CNTN5: variants seen among roughly 807,000 people sequenced by gnomAD.
CNTN5 encodes contactin 5.
A neutral mutation model predicts 129.1 loss-of-function variants in CNTN5; 77 were observed. The ratio of observed to expected loss-of-function variants is 0.60; its 90% confidence interval spans 0.50 to 0.72. CNTN5 has a LOEUF of 0.72. Ranked by LOEUF, CNTN5 falls within the 30% of genes least tolerant of loss-of-function variation. The pLI is 0.00. For missense variants in CNTN5, 1,478 were observed against 1,328.8 expected, an observed-to-expected ratio of 1.11 and a Z score of -1.75; for synonymous variants, 509 against 465.6, an observed-to-expected ratio of 1.09 and a Z score of -1.20.
chr11:100,081,337 A>G (rs1400362957), intron 13 of CNTN5, among the ~76,000 whole-genome samples: 1 of 152,204 alleles, frequency 6.6e-6, no homozygotes, highest in Non-Finnish European at 1.5e-5. Flanking sequence ...TTAAGAATTT[A>G]TCAATGAGTT....
intron 2 of CNTN5, among the ~76,000 whole-genome samples, chr11:99,342,416 T>C (rs528588671): frequency 6.6e-6 from 1 of 151,294 alleles, no homozygotes; most frequent in East Asian, 1.9e-4. Context: ...TTTTATAAAA[T>C]TTGAAATGGT....
chr11:100,289,959 A>G (rs1476315186), intron 18 of CNTN5, among the ~76,000 whole-genome samples: 2 of 151,564 alleles, frequency 1.3e-5, no homozygotes, highest in Admixed American at 6.6e-5. Context: ...ATTCTTATAC[A>G]CCAACAACAG....
chr11:99,134,837 G>T (rs897239137), intron 1 of CNTN5, among the ~76,000 whole-genome samples: 8 of 152,160 alleles, frequency 5.3e-5, no homozygotes, highest in African/African-American at 1.9e-4. Flanking sequence ...AATGACATGT[G>T]AATGATTATG....
chr11:99,923,198 T>A (rs1026201549), intron 7 of CNTN5, among the ~76,000 whole-genome samples: 6 of 152,196 alleles, frequency 3.9e-5, no homozygotes, highest in African/African-American at 7.2e-5. Flanking sequence ...GAGATCAATA[T>A]TAATCTCTGT....
intron 6 of CNTN5, among the ~76,000 whole-genome samples, chr11:99,910,580 GT>G (rs1364465528): frequency 6.6e-6 from 1 of 151,990 alleles, no homozygotes; most frequent in East Asian, 1.9e-4. Flanking sequence ...TCCTGGTATA[GT>G]TTTTAAAACT....
intron 6 of CNTN5, among the ~76,000 whole-genome samples, chr11:99,856,863 T>C (rs1391384112): frequency 6.6e-6 from 1 of 152,190 alleles, no homozygotes; most frequent in African/African-American, 2.4e-5. Flanking sequence ...GTAAACTATA[T>C]ATATAGTCCT....
chr11:99,131,863 C>T (rs1002167423), intron 1 of CNTN5, among the ~76,000 whole-genome samples: 1 of 152,110 alleles, frequency 6.6e-6, no homozygotes, highest in African/African-American at 2.4e-5. Context: ...CTATTTCAAA[C>T]AATTGAACAG....
chr11:100,122,754 G>A (rs1342279043), intron 13 of CNTN5, among the ~76,000 whole-genome samples: 1 of 152,018 alleles, frequency 6.6e-6, no homozygotes, highest in Non-Finnish European at 1.5e-5. Context: ...GGTAGTGGTG[G>A]TAAAACATGG....
intron 3 of CNTN5, among the ~76,000 whole-genome samples, chr11:99,792,088 A>AT (rs1460909010): frequency 6.6e-6 from 1 of 151,520 alleles, no homozygotes; most frequent in Non-Finnish European, 1.5e-5. Flanking sequence ...TGCGTTTTTT[A>AT]TTTTTTTCTC....
intron 6 of CNTN5, among the ~76,000 whole-genome samples, chr11:99,912,206 A>G (rs1949678922): frequency 6.6e-6 from 1 of 151,920 alleles, no homozygotes; most frequent in African/African-American, 2.4e-5. Context: ...AAGGAAGGAA[A>G]TAAAGGAAAA....
At chr11:99,045,651 A>T (rs908051945) in intron 1 of CNTN5, among the ~76,000 whole-genome samples, 1 of 152,236 alleles carries the variant, frequency 6.6e-6, no homozygotes, top group African/African-American at 2.4e-5. Context: ...TCTCAGGATT[A>T]TTGCCAGATA....
chr11:99,508,207 A>T, intron 2 of CNTN5, among the ~76,000 whole-genome samples: 1 of 152,206 alleles, frequency 6.6e-6, no homozygotes, highest in East Asian at 1.9e-4. Context: ...CTCCGTTGTA[A>T]AATGAAAATA....
At chr11:100,237,993 C>T (rs1469852803) in intron 16 of CNTN5, among the ~76,000 whole-genome samples, 2 of 152,076 alleles carry the variant, frequency 1.3e-5, no homozygotes, top group Non-Finnish European at 2.9e-5. Flanking sequence ...AAAGAAACCT[C>T]TACAAGATTC....
intron 13 of CNTN5, among the ~76,000 whole-genome samples, chr11:100,081,620 A>T (rs747323513): frequency 5.5e-4 from 84 of 152,188 alleles, no homozygotes; most frequent in Non-Finnish European, 1.0e-4. Flanking sequence ...AGTGATTAGC[A>T]AATAAAGCAT....
chr11:100,356,372 A>G lies in CNTN5; in HGVS notation c.*152A>G. ...TGAACTTACAGGAGGTTAGGGGGGA[A>G]ATATTACTTATCCATCAGGTTTCTC... On this transcript the variant is annotated 3_prime_UTR_variant, in exon 25 of 25. Transcript: ENST00000524871. 1 of 616,834 alleles carries G rather than the reference A, an allele frequency of 1.6e-6. No homozygotes were observed. Among genetic ancestry groups the G allele is most frequent in the Non-Finnish European group, 2.9e-6 (1 of 345,298 alleles). The allele number at this position is 616,834 out of a possible 1,614,324, so 38.2% of individuals were successfully genotyped here. A position where few individuals can be genotyped will look rare whatever the true frequency, so the allele number is the denominator to read the frequency against.
At chr11:99,589,175 A>G (rs776580599) in intron 3 of CNTN5, among the ~76,000 whole-genome samples, 5 of 152,202 alleles carry the variant, frequency 3.3e-5, no homozygotes, top group African/African-American at 7.2e-5. Flanking sequence ...TAAAATCAAT[A>G]TCTTCTTTAG....
chr11:99,039,071 T>A (rs770564257), intron 1 of CNTN5, among the ~76,000 whole-genome samples: 2 of 152,164 alleles, frequency 1.3e-5, no homozygotes, highest in Non-Finnish European at 2.9e-5. Flanking sequence ...TGAAAAGACT[T>A]GTTTTCAAAT....
chr11:100,046,024 G>A (rs932110681), intron 9 of CNTN5, among the ~76,000 whole-genome samples: 1 of 151,520 alleles, frequency 6.6e-6, no homozygotes, highest in Admixed American at 6.6e-5. Context: ...AGTTACATAT[G>A]TATACATGGG....
chr11:99,750,471 G>A (rs1383570630), intron 3 of CNTN5, among the ~76,000 whole-genome samples: 1 of 151,366 alleles, frequency 6.6e-6, no homozygotes, highest in African/African-American at 2.4e-5. Flanking sequence ...TGAATTCCAG[G>A]AATAATGTGT....
Sources: allele counts gnomAD v4.1 joint callset (sites outside exome capture counted in the v4.1 genomes callset), GRCh38; gene constraint gnomAD v4.1.1; transcripts MANE v1.5; gene names NCBI Gene and HGNC (gene_info 2026-07-23, HGNC 2026-07-21).